The following HYDIN variants were observed in gnomAD, a reference collection of about 807,000 sequenced individuals.
HYDIN encodes axonemal central pair apparatus protein HYDIN.
Under a neutral mutation model 403.9 loss-of-function variants are expected in HYDIN, and 132 were observed. That is an observed-to-expected ratio of 0.33 (90% CI 0.28 to 0.38). HYDIN has a LOEUF of 0.38. Among genes scored for constraint, HYDIN ranks in the 10% least tolerant of loss-of-function variants. HYDIN has a pLI of 1.00. For synonymous variants in HYDIN, 1,202 were observed against 1,891.7 expected (o/e 0.64, Z 9.46); for missense variants, 2,827 against 5,009.5 (o/e 0.56, Z 13.15).
rs201875517 is a variant in HYDIN at position 70,920,926 on chromosome 16, G to A, written c.7450C>T (p.Pro2484Ser). ...TGGGGCGCTTCCTCCATCCCTGCAG[G>A]AGGCAGCTGGACTCCTTGCTTCCGG... ...WDRKQGVQLP[P>S]AGMEEAPHEP... The change falls in exon 46 of 86, where the codon CCT (proline) becomes TCT (serine). Residue 2484 changes from proline (P) to serine (S), a missense_variant. Pro to Ser is a moderately conservative substitution (Grantham distance 74). Transcript: ENST00000393567. 1.6e-4 allele frequency: 262 copies of A among 1,613,534 alleles called. 1 individual carries two copies. In the African/African-American group the frequency reaches 3.2e-3, roughly 20 times the overall value.
chr16:70,954,463 A>G (rs868475373), intron 40 of HYDIN, among the ~76,000 whole-genome samples: 1 of 151,086 alleles, frequency 6.6e-6, no homozygotes, highest in Non-Finnish European at 1.5e-5. Flanking sequence ...AAAAAAAAAA[A>G]AAAAAAAAGA....
intron 1 of HYDIN, among the ~76,000 whole-genome samples, chr16:71,223,948 T>C (rs2040917547): frequency 6.6e-6 from 1 of 152,192 alleles, no homozygotes; most frequent in Non-Finnish European, 1.5e-5. Flanking sequence ...ACTGGGTATC[T>C]ACCCAAAGGA....
intron 35 of HYDIN, among the ~76,000 whole-genome samples, chr16:70,971,632 T>C (rs1426609924): frequency 1.3e-5 from 2 of 152,008 alleles, no homozygotes; most frequent in East Asian, 3.9e-4. Flanking sequence ...AGACCTCCTA[T>C]CTTAGCTTGA....
At chr16:71,050,627 A>G (rs1443884565) in intron 18 of HYDIN, among the ~76,000 whole-genome samples, 1 of 151,478 alleles carries the variant, frequency 6.6e-6, no homozygotes, top group Non-Finnish European at 1.5e-5. Flanking sequence ...AGAACGTCAT[A>G]CAATTGGAAT....
At chr16:70,820,481 A>C (rs972258983) in intron 83 of HYDIN, among the ~76,000 whole-genome samples, 30 of 150,806 alleles carry the variant, frequency 2.0e-4, no homozygotes, top group Non-Finnish European at 3.5e-4. Context: ...GCCGGGCCTA[A>C]AGTGACTGTT....
chr16:70,975,024 C>A (rs1037404960), intron 31 of HYDIN, 112 bp downstream of exon 31: 3 of 508,728 alleles, frequency 5.9e-6, no homozygotes, highest in Admixed American at 3.5e-5. Context: ...GATTTCATTG[C>A]GAGGTGATCA....
intron 6 of HYDIN, among the ~76,000 whole-genome samples, chr16:71,159,454 CA>C (rs1207541656): frequency 3.3e-4 from 5 of 15,284 alleles, no homozygotes; most frequent in Non-Finnish European, 4.2e-4. Flanking sequence ...GAGGATAGAA[CA>C]AAAAAAAAAT....
intron 53 of HYDIN, among the ~76,000 whole-genome samples, chr16:70,900,148 T>C (rs2076323460): frequency 6.6e-6 from 1 of 151,848 alleles, no homozygotes; most frequent in Non-Finnish European, 1.5e-5. Flanking sequence ...GCAGGTGGCC[T>C]GGACAAGGTG....
chr16:71,196,643 C>T (rs757275628), intron 1 of HYDIN, among the ~76,000 whole-genome samples: 1 of 152,094 alleles, frequency 6.6e-6, no homozygotes, highest in Non-Finnish European at 1.5e-5. Flanking sequence ...GGCTTCATTC[C>T]CAGCCAGTTA....
rs1485456077 is a variant in HYDIN, at chr16:70,803,638, TG to T, written c.*3941del. 6.6e-6 allele frequency among the ~76,000 whole-genome samples: 1 copy of T among 152,258 alleles called. No individual in the cohort carries two copies. Among genetic ancestry groups the T allele is most frequent in the Non-Finnish European group, 1.5e-5 (1 of 68,044 alleles). ...TGTAGCAAGAGGCTGCTGATGACATTGTAAGAAATTGTACCAAAATCTTGAA... is the reference window on the plus strand; with the variant it reads ...TGTAGCAAGAGGCTGCTGATGACATTTAAGAAATTGTACCAAAATCTTGAA... On this transcript the variant is annotated 3_prime_UTR_variant, in exon 86 of 86. Coordinates refer to ENST00000393567, the MANE Select transcript of HYDIN (RefSeq NM_001270974.2).
rs1597916474 is a variant in HYDIN at position 71,162,547 on chromosome 16, G to C, written c.700C>G (p.His234Asp). ...CATGCATACCTACAAGTTTTGATGT[G>C]AAATACAGCATTTTTGTTGCCAATG... ...RNIGNKNAVF[H>D]IKTCRPFSIE... The change falls in exon 6 of 86, where the codon CAC becomes GAC. Residue 234 changes from histidine to aspartate, a missense_variant. Physicochemically the swap from His to Asp is moderately conservative, Grantham distance 81. Coordinates refer to ENST00000393567, the MANE Select transcript of HYDIN (RefSeq NM_001270974.2). 1.3e-6 allele frequency: 2 copies of C among 1,504,788 alleles called. No individual in the cohort carries two copies. The highest frequency in any genetic ancestry group is 2.3e-5 in the South Asian group (2 of 88,702). 93.2% of individuals were successfully genotyped at this position (1,504,788 alleles called of 1,614,324 possible). A position where few individuals can be genotyped will look rare whatever the true frequency, so the allele number is the denominator to read the frequency against.
chr16:71,213,497 C>T (rs1237821217), intron 1 of HYDIN, among the ~76,000 whole-genome samples: 2 of 152,022 alleles, frequency 1.3e-5, no homozygotes, highest in Non-Finnish European at 2.9e-5. Context: ...ATGTTGGATT[C>T]TTAAGGAAGT....
At chr16:70,847,540 T>A (rs930643709) in intron 75 of HYDIN, among the ~76,000 whole-genome samples, 24 of 152,164 alleles carry the variant, frequency 1.6e-4, no homozygotes, top group Non-Finnish European at 2.9e-5. Context: ...CCTTCATTTT[T>A]AAATTGTTCC....
intron 62 of HYDIN, 26 bp from the exon 63 acceptor site, chr16:70,874,945 T>C: frequency 6.4e-7 from 1 of 1,554,294 alleles, no homozygotes; most frequent in Non-Finnish European, 8.7e-7. Context: ...CAGGGATGAG[T>C]GCTAGGCTTA....
At chr16:70,948,475 A>G (rs1308198088) in intron 41 of HYDIN, among the ~76,000 whole-genome samples, 3 of 150,524 alleles carry the variant, frequency 2.0e-5, no homozygotes, top group Non-Finnish European at 4.5e-5. Context: ...ATTAAACTAA[A>G]GAGCTTCTGC....
chr16:71,158,745 G>T (rs369592008), intron 6 of HYDIN, among the ~76,000 whole-genome samples: 1 of 144,428 alleles, frequency 6.9e-6, no homozygotes, highest in African/African-American at 2.6e-5. Context: ...GCAGTGGCAT[G>T]ATCATGGCTC....
rs2035100929 is a variant in HYDIN at position 70,806,257 on chromosome 16, T to C, written c.*1323A>G. 6.6e-6 allele frequency among the ~76,000 whole-genome samples: 1 copy of C among 152,232 alleles called. No individual in the cohort carries two copies. Among genetic ancestry groups the C allele is most frequent in the Admixed American group, 6.5e-5 (1 of 15,284 alleles). On this transcript the variant is annotated 3_prime_UTR_variant, in exon 86 of 86. Coordinates refer to ENST00000393567, the MANE Select transcript of HYDIN (RefSeq NM_001270974.2). Reference sequence around the variant, plus strand: ...CCACAGTATATGGAGTGTTCAGTACTATCTGTGGTTTCAGGCATCTACTGG... The same window carrying C: ...CCACAGTATATGGAGTGTTCAGTACCATCTGTGGTTTCAGGCATCTACTGG...
chr16:71,167,164 AG>A (rs1426438038), intron 5 of HYDIN, among the ~76,000 whole-genome samples: 1 of 152,088 alleles, frequency 6.6e-6, no homozygotes, highest in Non-Finnish European at 1.5e-5. Context: ...TCTGGTTTCC[AG>A]ATGGTAATGC....
intron 10 of HYDIN, among the ~76,000 whole-genome samples, chr16:71,098,534 C>A (rs903851070): frequency 3.3e-5 from 5 of 151,328 alleles, no homozygotes; most frequent in African/African-American, 1.2e-4. Flanking sequence ...AACTGCATTA[C>A]CCTACTCTAT....
Sources: gnomAD v4.1 joint callset for allele counts (sites outside exome capture counted in the v4.1 genomes callset) on GRCh38, gnomAD v4.1.1 for gene constraint, MANE v1.5 for transcripts, NCBI Gene and HGNC (gene_info 2026-07-23, HGNC 2026-07-21) for gene names.